CDHR2: variants seen among roughly 807,000 people sequenced by gnomAD.
The protein encoded by CDHR2 is cadherin related family member 2.
A neutral mutation model predicts 138.6 loss-of-function variants in CDHR2; 104 were observed. The ratio of observed to expected loss-of-function variants is 0.75; its 90% CI spans 0.64 to 0.88. The LOEUF (loss-of-function observed/expected upper bound fraction) is 0.88, where lower values mean the gene tolerates loss of function less well. Ranked by LOEUF, CDHR2 falls within the 40% of genes least tolerant of loss-of-function variation. The pLI, the probability that CDHR2 is intolerant of heterozygous loss-of-function variation, is 0.00. For synonymous variants in CDHR2, 755 were observed against 742.8 expected, an observed-to-expected ratio of 1.02 and a Z score of -0.27; for missense variants, 1,624 against 1,727.6, an observed-to-expected ratio of 0.94 and a Z score of 1.06.
chr5:176,555,658 G>A (rs1181496515), intron 1 of CDHR2, among the ~76,000 whole-genome samples: 1 of 152,124 alleles, frequency 6.6e-6, no homozygotes, highest in Non-Finnish European at 1.5e-5. Context: ...TGTAATCCCA[G>A]CACTTTGGGA....
At chr5:176,593,402 T>C (rs1758937338) in intron 31 of CDHR2, among the ~76,000 whole-genome samples, 1 of 152,212 alleles carries the variant, frequency 6.6e-6, no homozygotes, top group South Asian at 2.1e-4. Context: ...ATGGCCCACG[T>C]GGAGCCTGGG....
chr5:176,553,949 C>T lies in CDHR2; in HGVS notation c.-16+4535C>T, dbSNP rs1216266454. Among the ~76,000 whole-genome samples the T allele has an allele frequency of 6.6e-6, 1 of 152,218 alleles. No individual in the cohort carries two copies. Among genetic ancestry groups the T allele is most frequent in the African/African-American group, 2.4e-5 (1 of 41,452 alleles). ...TATGATGTCACTCTCCAGGGTGTAG[C>T]TGTACCCACATCGCTGTCCCTGTCT... On this transcript the variant is annotated intron_variant, in intron 1 of 31. Transcript: ENST00000261944. This position sits in a 1 kb window ranked among gnomAD's most constrained non-coding sequence, Gnocchi z 4.3.
At chr5:176,555,642 C>T (rs1170992600) in intron 1 of CDHR2, among the ~76,000 whole-genome samples, 1 of 152,220 alleles carries the variant, frequency 6.6e-6, no homozygotes, top group African/African-American at 2.4e-5. Flanking sequence ...GTGGATGGCT[C>T]ACGCCTGTAA....
At chr5:176,581,244 TG>T in intron 16 of CDHR2, 98 bp from the exon 17 acceptor site, 1 of 1,490,424 alleles carries the variant, frequency 6.7e-7, no homozygotes, top group Admixed American at 1.9e-5. Context: ...GATGACTGCC[TG>T]CGTGGGCCAG....
At chr5:176,575,913 A>G in intron 11 of CDHR2, 39 bp from the exon 12 acceptor site, 5 of 1,585,422 alleles carry the variant, frequency 3.2e-6, no homozygotes, top group South Asian at 1.1e-5. Flanking sequence ...CTCTCTGAGC[A>G]CTGGCTCTCT....
chr5:176,568,858 G>A, intron 4 of CDHR2, 41 bp downstream of exon 4: 1 of 1,612,120 alleles, frequency 6.2e-7, no homozygotes, highest in Non-Finnish European at 8.5e-7. Flanking sequence ...ACGCGGAGGG[G>A]GTGCTGGGAG....
upstream of CDHR2, among the ~76,000 whole-genome samples, chr5:176,547,937 G>C (rs1484536842): frequency 6.6e-6 from 1 of 152,032 alleles, no homozygotes; most frequent in African/African-American, 2.4e-5. Flanking sequence ...TTAACAACGG[G>C]GACACCTTCT....
Position 176,595,824 on chromosome 5 carries a change from A to T in CDHR2, c.*152A>T. The T allele has an allele frequency of 1.3e-6, 1 of 745,516 alleles. No individual in the cohort carries two copies. The highest frequency in any genetic ancestry group is 3.2e-5 in the East Asian group (1 of 31,174). 46.2% of individuals were successfully genotyped at this position (745,516 alleles called of 1,614,324 possible). On this transcript the variant is annotated 3_prime_UTR_variant, in exon 32 of 32. Transcript: ENST00000261944. ...GGGTTGGGGAAATATTTTATTACCA[A>T]TGTATACTGTGACAGTTTGTAGCCA...
At chr5:176,554,493 C>T (rs1347923313) in intron 1 of CDHR2, among the ~76,000 whole-genome samples, 1 of 152,202 alleles carries the variant, frequency 6.6e-6, no homozygotes, top group Non-Finnish European at 1.5e-5. Flanking sequence ...TTATTATTCT[C>T]ACAGGGGAGG....
upstream of CDHR2, among the ~76,000 whole-genome samples, chr5:176,546,432 T>G (rs1303261514): frequency 1.1e-4 from 16 of 152,110 alleles, no homozygotes; most frequent in Non-Finnish European, 4.4e-5. Context: ...CCTTATTGTG[T>G]TGGGCATTGT....
chr5:176,565,358 C>A lies in CDHR2; in HGVS notation c.6C>A (p.Ala2=), dbSNP rs1393551863. The change falls in exon 2 of 32, where the codon GCC becomes GCA. Residue 2 remains alanine (A), a synonymous_variant. Transcript: ENST00000261944. The part of the protein sequence containing the change: M[A]QLWLSCFLLP... ...CTTAGGTCCCTGCGGATGTGATGGC[C>A]CAGCTATGGCTGTCCTGCTTCCTCC... 6.2e-7 allele frequency: 1 copy of A among 1,614,070 alleles called. No homozygotes were observed. Among genetic ancestry groups the A allele is most frequent in the Admixed American group, 1.7e-5 (1 of 60,030 alleles).
At chr5:176,591,991 T>G (rs1758870122) in intron 30 of CDHR2, among the ~76,000 whole-genome samples, 6 of 147,450 alleles carry the variant, frequency 4.1e-5, no homozygotes, top group Admixed American at 6.8e-5. Flanking sequence ...GGTGTTGAGG[T>G]GATGGTGGTG....
In CDHR2 at chr5:176,575,444, G is replaced by C. The variant is rs558396996; in HGVS notation, c.768+18G>C. The C allele has an allele frequency of 5.0e-6, 8 of 1,614,246 alleles. 1 individual carries two copies. The highest frequency in any genetic ancestry group is 3.3e-4 in the Middle Eastern group (2 of 6,062). On this transcript the variant is annotated intron_variant, in intron 9 of 31. Transcript: ENST00000261944. ...CAGCCAAGGTGCACGGGGGACCTGTGGGGTGTGGGTGGAGGCGGGAGGCGG... is the reference window on the plus strand; with the variant it reads ...CAGCCAAGGTGCACGGGGGACCTGTCGGGTGTGGGTGGAGGCGGGAGGCGG...
rs1054214410 is a variant in CDHR2 at position 176,553,356 on chromosome 5, T to C, written c.-16+3942T>C. On this transcript the variant is annotated intron_variant, in intron 1 of 31. Coordinates refer to ENST00000261944, the MANE Select transcript of CDHR2 (RefSeq NM_017675.6). The surrounding 1 kb of genome is among the most constrained non-coding windows in gnomAD (Gnocchi z 4.3). ...GGACTAAATGGTAATGGGGGCAAAG[T>C]GCTAGCCTCGGTACACGGCCCTTCC... is the stretch of plus-strand genomic sequence containing the variant. 6.6e-6 allele frequency among the ~76,000 whole-genome samples: 1 copy of C among 152,128 alleles called. No homozygotes were observed. Among genetic ancestry groups the C allele is most frequent in the African/African-American group, 2.4e-5 (1 of 41,420 alleles).
At chr5:176,567,044 C>A (rs2113281513) in intron 3 of CDHR2, 1 of 456,168 alleles carries the variant, frequency 2.2e-6, no homozygotes, top group African/African-American at 2.0e-5. Flanking sequence ...ATCCCCTGAT[C>A]AAGAGAAAGT....
Position 176,575,510 on chromosome 5 carries a change from C to T in CDHR2, c.773C>T (p.Thr258Ile). Residue 258 changes from threonine (T) to isoleucine (I), a missense_variant, in exon 10 of 32, where the codon ACC becomes ATC. By Grantham distance (89) the Thr-to-Ile change is moderately conservative. Around this residue, in one of 3 missense-constraint regions of CDHR2, gnomAD observed 1,061 missense variants for 1,136.6 expected, o/e 0.93. Transcript: ENST00000261944. Reference protein sequence around the residue: ...ASVAEDAAKGTSVLTVEAVDG... With the variant: ...ASVAEDAAKGISVLTVEAVDG... ...ACTGACCAGGCCCCATTCCAGGGAA[C>T]CTCGGTGCTGACGGTGGAGGCTGTG... 2 of 1,614,150 alleles carry T rather than the reference C, an allele frequency of 1.2e-6. No homozygotes were observed. The highest frequency in any genetic ancestry group is 1.7e-6 in the Non-Finnish European group (2 of 1,180,012).
Position 176,578,460 on chromosome 5 carries a change from C to A in CDHR2, c.1670C>A (p.Thr557Lys), listed in dbSNP as rs149516729. The A allele has an allele frequency of 2.5e-6, 4 of 1,613,808 alleles. No individual in the cohort carries two copies. In the African/African-American group the frequency reaches 5.3e-5, roughly 22 times the overall value. Residue 557 changes from threonine to lysine, a missense_variant, in exon 16 of 32, where the codon ACG becomes AAG. Thr to Lys is a moderately conservative substitution (Grantham distance 78). Transcript: ENST00000261944. ...GAGAGCCAGGCCGTGTACTACCTGA[C>A]GCTGCAGGCCACAGACGGCGGGAAC... ...DRESQAVYYL[T>K]LQATDGGNLS...
intron 16 of CDHR2, among the ~76,000 whole-genome samples, chr5:176,580,528 CAA>C (rs35346478): frequency 1.4e-4 from 12 of 87,410 alleles, no homozygotes; most frequent in Admixed American, 4.9e-4. Context: ...GACTCCACCT[CAA>C]AAAAAAAAAA....
At chr5:176,585,336 G>A (rs1253923768) in intron 19 of CDHR2, among the ~76,000 whole-genome samples, 1 of 152,228 alleles carries the variant, frequency 6.6e-6, no homozygotes, top group East Asian at 1.9e-4. Flanking sequence ...TGCAGAGCTA[G>A]ATGTGTGCTT....
Sources: allele counts gnomAD v4.1 joint callset (sites outside exome capture counted in the v4.1 genomes callset), GRCh38; gene constraint gnomAD v4.1.1; regional missense constraint gnomAD v4.1.1; non-coding constraint Gnocchi (gnomAD v3.1); transcripts MANE v1.5; gene names NCBI Gene and HGNC (gene_info 2026-07-23, HGNC 2026-07-21).